FBXO33: variants seen among roughly 807,000 people sequenced by gnomAD.
The protein encoded by FBXO33 is F-box only protein 33.
Under a neutral mutation model 46.3 loss-of-function variants are expected in FBXO33, and 22 were observed. That is an observed-to-expected ratio of 0.48 (90% CI 0.34 to 0.68). The LOEUF is 0.68. FBXO33 is among the 30% of genes least tolerant of loss of function. The pLI, the probability that FBXO33 is intolerant of heterozygous loss-of-function variation, is 0.01. For synonymous variants in FBXO33, 337 were observed against 291.3 expected, an observed-to-expected ratio of 1.16 and a Z score of -1.60; for missense variants, 692 against 708.8, an observed-to-expected ratio of 0.98 and a Z score of 0.27.
At chr14:39,426,643 T>A (rs1414566438) in intron 1 of FBXO33, among the ~76,000 whole-genome samples, 2 of 152,202 alleles carry the variant, frequency 1.3e-5, no homozygotes, top group African/African-American at 4.8e-5. Flanking sequence ...CACAGCCCTG[T>A]CACACTTTCT....
chr14:39,431,920 A>G lies in FBXO33; in HGVS notation c.243T>C (p.Ser81=). 1 of 1,539,008 alleles carries G rather than the reference A, an allele frequency of 6.5e-7. No homozygotes were observed. ...GCAGCCGGTCGGGCGCCGGCAGAAA[A>G]GAGAAGATGTGCACGATCAGCTCGC... ...LPSELIVHIF[S]FLPAPDRLRA... The change falls in exon 1 of 4, where the codon TCT becomes TCC. Residue 81 remains serine (S), a synonymous_variant. Transcript: ENST00000298097.
chr14:39,431,524 C>T, intron 1 of FBXO33, 40 bp downstream of exon 1: 1 of 1,604,880 alleles, frequency 6.2e-7, no homozygotes. Context: ...ACGGAGCGAC[C>T]CCCCGTTACC....
intron 1 of FBXO33, 123 bp downstream of exon 1, chr14:39,431,441 C>G (rs2075548979): frequency 6.6e-7 from 1 of 1,512,792 alleles, no homozygotes; most frequent in Non-Finnish European, 8.9e-7. Flanking sequence ...CCAACACTCT[C>G]CGTCACTGAG....
At chr14:39,416,588 T>C (rs1298550408) in intron 1 of FBXO33, among the ~76,000 whole-genome samples, 1 of 152,096 alleles carries the variant, frequency 6.6e-6, no homozygotes, top group Non-Finnish European at 1.5e-5. Flanking sequence ...TTTCGATTCT[T>C]TCTTCTGCTT....
chr14:39,424,763 T>C (rs2075502724), intron 1 of FBXO33, among the ~76,000 whole-genome samples: 2 of 152,160 alleles, frequency 1.3e-5, no homozygotes, highest in African/African-American at 4.8e-5. Context: ...AACTTAAGTA[T>C]GTATGTTAAG....
In FBXO33 at chr14:39,402,439, G is replaced by C; in HGVS notation, c.672C>G (p.Tyr224Ter). ...TGCCATCAGGGTCCACCTTGCTGAG[G>C]TATGTATTTGACAAACTTCCTTGCT... The part of the protein sequence containing the change: ...LQQQGSLSNT[Y>*]LSKVDPDGKK... Residue 224 changes from tyrosine (Y) to a stop codon, truncating the protein, a stop_gained, in exon 2 of 4, where the codon TAC (tyrosine) becomes TAG (stop). Transcript: ENST00000298097. LOFTEE classifies it high-confidence loss of function. 1 of 1,580,464 alleles carries C rather than the reference G, an allele frequency of 6.3e-7. No homozygotes were observed.
At position 39,431,734 on chromosome 14, in the gene FBXO33, G is replaced by A; in HGVS notation, c.429C>T (p.Phe143=). 2.5e-6 allele frequency: 4 copies of A among 1,613,086 alleles called. No homozygotes were observed. The highest frequency in any genetic ancestry group is 3.4e-6 in the Non-Finnish European group (4 of 1,179,966). Residue 143 remains phenylalanine, a synonymous_variant, in exon 1 of 4, where the codon TTC becomes TTT. Coordinates refer to ENST00000298097, the MANE Select transcript of FBXO33 (RefSeq NM_203301.4). ...GWFVRELRVE[F]AAENYLSGGG... ...CGCCGCTCAGATAGTTCTCGGCGGC[G>A]AATTCAACACGCAGCTCTCGCACGA...
At chr14:39,425,434 T>C (rs962402561) in intron 1 of FBXO33, among the ~76,000 whole-genome samples, 1 of 152,262 alleles carries the variant, frequency 6.6e-6, no homozygotes, top group African/African-American at 2.4e-5. Flanking sequence ...AAGAACATGG[T>C]TCTTTAAAAA....
intron 1 of FBXO33, among the ~76,000 whole-genome samples, chr14:39,406,365 G>A (rs1054765925): frequency 2.0e-5 from 3 of 152,108 alleles, no homozygotes; most frequent in Non-Finnish European, 2.9e-5. Context: ...AAATACACAT[G>A]TAAGAGACTT....
chr14:39,410,144 G>A (rs2075416100), intron 1 of FBXO33, among the ~76,000 whole-genome samples: 2 of 152,180 alleles, frequency 1.3e-5, no homozygotes, highest in African/African-American at 4.8e-5. Flanking sequence ...TCACTATTGA[G>A]TATGATATTA....
chr14:39,432,266 G>A lies in FBXO33; in HGVS notation c.-104C>T. On this transcript the variant is annotated 5_prime_UTR_variant, in exon 1 of 4. Transcript: ENST00000298097. ...AAGGCCTCTGCGGGCGTGGCCTGCC[G>A]GGAGCCAGCCTCTGTCTTCTCAAAC... is the stretch of plus-strand genomic sequence containing the variant. The A allele has an allele frequency of 1.0e-6, 1 of 987,446 alleles. No homozygotes were observed. The highest frequency in any genetic ancestry group is 1.3e-6 in the Non-Finnish European group (1 of 784,746). The allele number at this position is 987,446 out of a possible 1,614,324, so 61.2% of individuals were successfully genotyped here. A position where few individuals can be genotyped will look rare whatever the true frequency, so the allele number is the denominator to read the frequency against.
At chr14:39,425,468 C>T (rs917890146) in intron 1 of FBXO33, among the ~76,000 whole-genome samples, 1 of 152,184 alleles carries the variant, frequency 6.6e-6, no homozygotes, top group Admixed American at 6.5e-5. Context: ...ACATTAAAAT[C>T]TTTTCCAATG....
At chr14:39,429,765 T>G (rs74048770) in intron 1 of FBXO33, among the ~76,000 whole-genome samples, 32 of 152,268 alleles carry the variant, frequency 2.1e-4, no homozygotes, top group African/African-American at 7.0e-4. Flanking sequence ...TGCATAGAAG[T>G]GATAGCTGAC....
Position 39,432,335 on chromosome 14 carries a change from T to A in FBXO33, c.-173A>T, listed in dbSNP as rs138048833. On this transcript the variant is annotated 5_prime_UTR_variant, in exon 1 of 4. Coordinates refer to ENST00000298097, the MANE Select transcript of FBXO33 (RefSeq NM_203301.4). Reference sequence around the variant, plus strand: ...AGGCCGGCACACTGAGTAACTGCACTGCCCTCGCTCGTAAACTTCAGCGGC... The same window carrying A: ...AGGCCGGCACACTGAGTAACTGCACAGCCCTCGCTCGTAAACTTCAGCGGC... 7.5e-6 allele frequency: 3 copies of A among 400,612 alleles called. No homozygotes were observed. Among genetic ancestry groups the A allele is most frequent in the Non-Finnish European group, 1.2e-5 (3 of 251,872 alleles). The allele number at this position is 400,612 out of a possible 1,614,324, so 24.8% of individuals were successfully genotyped here. A position where few individuals can be genotyped will look rare whatever the true frequency, so the allele number is the denominator to read the frequency against.
At chr14:39,418,290 C>G (rs1352179170) in intron 1 of FBXO33, among the ~76,000 whole-genome samples, 1 of 150,782 alleles carries the variant, frequency 6.6e-6, no homozygotes, top group East Asian at 2.0e-4. Flanking sequence ...GTCTCGATCT[C>G]CTGACCTCGT....
In FBXO33 at chr14:39,428,588, G is replaced by A. The variant is rs540398354; in HGVS notation, c.599+2976C>T. Reference sequence around the variant, plus strand: ...AAAGCTTATGTAAAACATTTATACAGCCCATAGAAGCATAAACCAGATGAA... The same window carrying A: ...AAAGCTTATGTAAAACATTTATACAACCCATAGAAGCATAAACCAGATGAA... On this transcript the variant is annotated intron_variant, in intron 1 of 3. Coordinates refer to ENST00000298097, the MANE Select transcript of FBXO33 (RefSeq NM_203301.4). 3.3e-5 allele frequency among the ~76,000 whole-genome samples: 5 copies of A among 152,192 alleles called. No individual in the cohort carries two copies. In the South Asian group the frequency reaches 1.0e-3, roughly 32 times the overall value.
At chr14:39,406,019 T>C (rs2075395850) in intron 1 of FBXO33, among the ~76,000 whole-genome samples, 1 of 151,590 alleles carries the variant, frequency 6.6e-6, no homozygotes, top group South Asian at 2.1e-4. Flanking sequence ...ACTGTTCTTG[T>C]GAGAATGGCT....
chr14:39,422,261 TA>T (rs2075488974), intron 1 of FBXO33, among the ~76,000 whole-genome samples: 1 of 152,074 alleles, frequency 6.6e-6, no homozygotes, highest in Non-Finnish European at 1.5e-5. Flanking sequence ...CCATCTCCAA[TA>T]AAATAATAAA....
At chr14:39,419,050 T>C (rs2075465661) in intron 1 of FBXO33, among the ~76,000 whole-genome samples, 1 of 152,214 alleles carries the variant, frequency 6.6e-6, no homozygotes, top group Non-Finnish European at 1.5e-5. Context: ...TTTGTGGGAT[T>C]ATCGAATTCA....
Sources: gnomAD v4.1 joint callset for allele counts (sites outside exome capture counted in the v4.1 genomes callset) on GRCh38, gnomAD v4.1.1 for gene constraint, MANE v1.5 for transcripts, NCBI Gene and HGNC (gene_info 2026-07-23, HGNC 2026-07-21) for gene names.